KCNIP4: variants seen among roughly 807,000 people sequenced by gnomAD.
KCNIP4 encodes the protein Kv channel-interacting protein 4.
Under a neutral mutation model 34.0 loss-of-function variants are expected in KCNIP4, and 12 were observed. The ratio of observed to expected loss-of-function variants is 0.35; its 90% CI spans 0.23 to 0.57. The LOEUF is 0.57. Ranked by LOEUF, KCNIP4 falls within the 20% of genes least tolerant of loss-of-function variation. The pLI is 0.83. For missense variants in KCNIP4, 238 were observed against 311.7 expected (o/e 0.76, Z 1.78); for synonymous variants, 124 against 102.2 (o/e 1.21, Z -1.29).
chr4:21,203,805 T>C (rs2108960421), intron 1 of KCNIP4, among the ~76,000 whole-genome samples: 1 of 152,364 alleles, frequency 6.6e-6, no homozygotes, highest in East Asian at 1.9e-4. Flanking sequence ...ACAAGTGATA[T>C]GAGGTTAGAG....
chr4:21,117,493 A>G (rs536452695), intron 1 of KCNIP4, among the ~76,000 whole-genome samples: 1 of 152,254 alleles, frequency 6.6e-6, no homozygotes, highest in South Asian at 2.1e-4. Flanking sequence ...AAAAACATCA[A>G]TAACATCTAA....
rs1759403962 is a variant in KCNIP4 at position 21,236,903 on chromosome 4, A to G, written c.62-354194T>C. ...GTGCCTGTAATGCCAATTACTCGGG[A>G]GGCTGAGGCAGAGAATTGCTTGAAC... On this transcript the variant is annotated intron_variant, in intron 1 of 8. Transcript: ENST00000382152. Among the ~76,000 whole-genome samples, 5 of 151,536 alleles carry G rather than the reference A, an allele frequency of 3.3e-5. No individual in the cohort carries two copies. In the South Asian group the frequency reaches 1.0e-3, roughly 32 times the overall value.
intron 1 of KCNIP4, among the ~76,000 whole-genome samples, chr4:21,218,246 C>G (rs1201791194): frequency 6.6e-6 from 1 of 151,900 alleles, no homozygotes; most frequent in Non-Finnish European, 1.5e-5. Flanking sequence ...AACTCCTGAC[C>G]TCAGGTGACC....
chr4:21,521,140 C>T (rs1735491060), intron 1 of KCNIP4, among the ~76,000 whole-genome samples: 1 of 152,086 alleles, frequency 6.6e-6, no homozygotes. Context: ...GGGCAGCATC[C>T]AACAGGGGCA....
intron 1 of KCNIP4, among the ~76,000 whole-genome samples, chr4:20,935,854 C>A (rs1048110071): frequency 2.6e-5 from 4 of 151,576 alleles, no homozygotes; most frequent in African/African-American, 7.2e-5. Flanking sequence ...TATACTCAAC[C>A]AGCTTCTACT....
At chr4:21,868,707 G>T (rs945884097) in intron 1 of KCNIP4, among the ~76,000 whole-genome samples, 2 of 152,098 alleles carry the variant, frequency 1.3e-5, no homozygotes, top group South Asian at 2.1e-4. Context: ...ATTGACTGTC[G>T]ATTTGGAGAT....
chr4:21,360,296 T>TATTAGAAA (rs1719084222), intron 1 of KCNIP4, among the ~76,000 whole-genome samples: 1 of 152,116 alleles, frequency 6.6e-6, no homozygotes, highest in Non-Finnish European at 1.5e-5. Context: ...TTTGTGAATG[T>TATTAGAAA]ATTAGAAAAT....
intron 1 of KCNIP4, among the ~76,000 whole-genome samples, chr4:21,919,503 A>T (rs1378562691): frequency 6.6e-6 from 1 of 152,200 alleles, no homozygotes; most frequent in African/African-American, 2.4e-5. Context: ...GAACCATACC[A>T]TTCAGCATTA....
At chr4:20,813,070 T>C (rs1715969197) in intron 3 of KCNIP4, among the ~76,000 whole-genome samples, 1 of 152,198 alleles carries the variant, frequency 6.6e-6, no homozygotes, top group Non-Finnish European at 1.5e-5. Context: ...TTGGTCTCCA[T>C]CTTTTTATTA....
chr4:20,770,710 G>C (rs1477425622), intron 3 of KCNIP4, among the ~76,000 whole-genome samples: 2 of 152,154 alleles, frequency 1.3e-5, no homozygotes, highest in African/African-American at 4.8e-5. Context: ...GAAGTGGGCG[G>C]ATCACCTGAG....
intron 1 of KCNIP4, among the ~76,000 whole-genome samples, chr4:20,941,516 C>A (rs562810159): frequency 1.3e-5 from 2 of 152,236 alleles, no homozygotes; most frequent in Admixed American, 6.5e-5. Context: ...AAAAGAAGAA[C>A]TTTTAAAGGT....
intron 1 of KCNIP4, among the ~76,000 whole-genome samples, chr4:21,754,169 T>C (rs545382860): frequency 5.3e-5 from 8 of 152,252 alleles, no homozygotes; most frequent in East Asian, 1.9e-4. Context: ...TTTTTCTTAA[T>C]TCGCTCAATA....
chr4:21,909,905 G>A (rs1294111687), intron 1 of KCNIP4, among the ~76,000 whole-genome samples: 1 of 152,000 alleles, frequency 6.6e-6, no homozygotes, highest in Non-Finnish European at 1.5e-5. Flanking sequence ...TAGTATGGGG[G>A]AAACTGCCCC....
chr4:21,081,537 G>A (rs927755571), intron 1 of KCNIP4, among the ~76,000 whole-genome samples: 4 of 151,666 alleles, frequency 2.6e-5, no homozygotes, highest in Non-Finnish European at 5.9e-5. Context: ...AACTATAGAA[G>A]AAGAAATTAT....
chr4:21,586,271 T>C (rs111508719), intron 1 of KCNIP4, among the ~76,000 whole-genome samples: 1 of 152,128 alleles, frequency 6.6e-6, no homozygotes, highest in Non-Finnish European at 1.5e-5. Flanking sequence ...AAATTATATG[T>C]TCCATAAGAA....
chr4:20,913,466 G>T (rs73242561), intron 1 of KCNIP4, among the ~76,000 whole-genome samples: 6,989 of 152,234 alleles, frequency 0.046, 192 homozygotes, highest in Middle Eastern at 0.1. Context: ...TAGTGGTAAT[G>T]ATTGCATAAC....
chr4:21,009,247 G>T (rs191626791), intron 1 of KCNIP4, among the ~76,000 whole-genome samples: 2 of 152,192 alleles, frequency 1.3e-5, no homozygotes, highest in Non-Finnish European at 2.9e-5. Context: ...TCTGGGAATA[G>T]CAAAAGGTTG....
rs1728281451 is a variant in KCNIP4 at position 21,449,001 on chromosome 4, C to G, written c.61+499570G>C. ...ACAGGCAGGAAACAGGCTGAAATGACTACTCAGCTGCAAACATTTTCTATT... is the reference window on the plus strand; with the variant it reads ...ACAGGCAGGAAACAGGCTGAAATGAGTACTCAGCTGCAAACATTTTCTATT... On this transcript the variant is annotated intron_variant, in intron 1 of 8. Coordinates refer to ENST00000382152, the MANE Select transcript of KCNIP4 (RefSeq NM_025221.6). Among the ~76,000 whole-genome samples, 3 of 152,174 alleles carry G rather than the reference C, an allele frequency of 2.0e-5. No individual in the cohort carries two copies. The South Asian group carries it at 6.2e-4, about 31-fold the overall frequency.
At position 21,478,124 on chromosome 4, in the gene KCNIP4, TA is replaced by T. The variant is rs1478954739; in HGVS notation, c.61+470446del. On this transcript the variant is annotated intron_variant, in intron 1 of 8. Transcript: ENST00000382152. ...TTTATTTTATTTTTTAAAAAATCTTTACTTCTATTTGATATGTTTTGGACTT... is the reference window on the plus strand; with the variant it reads ...TTTATTTTATTTTTTAAAAAATCTTTCTTCTATTTGATATGTTTTGGACTT... Among the ~76,000 whole-genome samples the T allele has an allele frequency of 3.9e-5, 6 of 152,308 alleles. No individual in the cohort carries two copies. The East Asian group carries it at 9.6e-4, about 24-fold the overall frequency.
Sources: allele counts gnomAD v4.1 joint callset (sites outside exome capture counted in the v4.1 genomes callset), GRCh38; gene constraint gnomAD v4.1.1; transcripts MANE v1.5; gene names NCBI Gene and HGNC (gene_info 2026-07-23, HGNC 2026-07-21).